The following ZNF462 variants were observed in gnomAD, a reference collection of about 807,000 sequenced individuals.
The protein encoded by ZNF462 is zinc finger protein 462, also known as zinc finger PBX1-interacting protein.
A neutral mutation model predicts 201.9 loss-of-function variants in ZNF462; 10 were observed. That is an observed-to-expected ratio of 0.05 (90% confidence interval 0.03 to 0.08). ZNF462 has a LOEUF of 0.08. ZNF462 is among the 10% of genes least tolerant of loss of function. The pLI is 1.00. For missense variants in ZNF462, 2,523 were observed against 3,168.3 expected (o/e 0.80, Z 4.89); for synonymous variants, 1,227 against 1,193.3 (o/e 1.03, Z -0.58).
At position 106,919,189 on chromosome 9, in the gene ZNF462, TA is replaced by T. The variant is rs1829892954; in HGVS notation, c.-30-4164del. ...GGGATTTTGACTTGAGGACCACATT[TA>T]TGCTCCTGGGCCCTCAAACTAAAGA... On this transcript the variant is annotated intron_variant, in intron 1 of 12. Coordinates refer to ENST00000277225, the MANE Select transcript of ZNF462 (RefSeq NM_021224.6). This position sits in a 1 kb window ranked among gnomAD's most constrained non-coding sequence, Gnocchi z 4.5. Among the ~76,000 whole-genome samples, 1 of 152,238 alleles carries T rather than the reference TA, an allele frequency of 6.6e-6. No homozygotes were observed. Among genetic ancestry groups the T allele is most frequent in the African/African-American group, 2.4e-5 (1 of 41,454 alleles).
chr9:106,882,302 T>A (rs973747804), intron 1 of ZNF462, among the ~76,000 whole-genome samples: 1 of 152,066 alleles, frequency 6.6e-6, no homozygotes, highest in African/African-American at 2.4e-5. Context: ...ATGTATGGAG[T>A]CTGTAAACCA....
chr9:106,904,969 T>A lies in ZNF462; in HGVS notation c.-30-18385T>A, dbSNP rs577514845. Among the ~76,000 whole-genome samples the A allele has an allele frequency of 2.6e-5, 4 of 152,212 alleles. No homozygotes were observed. The East Asian group carries it at 5.8e-4, about 22-fold the overall frequency. On this transcript the variant is annotated intron_variant, in intron 1 of 12. Coordinates refer to ENST00000277225, the MANE Select transcript of ZNF462 (RefSeq NM_021224.6). Reference sequence around the variant, plus strand: ...ATCCATTGCTGGTGAACTAGTGTGATTTTTTTGTGGGGGGGTGTTGAAGAG... The same window carrying A: ...ATCCATTGCTGGTGAACTAGTGTGAATTTTTTGTGGGGGGGTGTTGAAGAG...
At position 106,886,895 on chromosome 9, in the gene ZNF462, A is replaced by C. The variant is rs1194989232; in HGVS notation, c.-31+23540A>C. On this transcript the variant is annotated intron_variant, in intron 1 of 12. Coordinates refer to ENST00000277225, the MANE Select transcript of ZNF462 (RefSeq NM_021224.6). This position sits in a 1 kb window ranked among gnomAD's most constrained non-coding sequence, Gnocchi z 4.6. ...CTTGTTGGAAAAGAGTGTGGAGATC[A>C]AGCAGAGAAGTCTGCAATAGGCGGG... Among the ~76,000 whole-genome samples the C allele has an allele frequency of 2.0e-5, 3 of 152,020 alleles. No individual in the cohort carries two copies. The highest frequency in any genetic ancestry group is 2.9e-5 in the Non-Finnish European group (2 of 68,000).
intron 1 of ZNF462, among the ~76,000 whole-genome samples, chr9:106,898,366 C>G (rs187807331): frequency 6.6e-6 from 1 of 152,190 alleles, no homozygotes; most frequent in Non-Finnish European, 1.5e-5. Context: ...CCAGGAAAGG[C>G]CTTCTAGAGA....
chr9:106,891,884 T>C (rs1206296686), intron 1 of ZNF462, among the ~76,000 whole-genome samples: 1 of 152,016 alleles, frequency 6.6e-6, no homozygotes, highest in African/African-American at 2.4e-5. Context: ...ACAAGGAAAA[T>C]AATAATAATA....
intron 1 of ZNF462, among the ~76,000 whole-genome samples, chr9:106,882,042 C>CT (rs1333366634): frequency 6.6e-6 from 1 of 152,108 alleles, no homozygotes. Context: ...TCTTACAAGC[C>CT]TTTTTTCTAT....
intron 10 of ZNF462, among the ~76,000 whole-genome samples, chr9:106,988,900 T>C (rs1233767681): frequency 6.6e-6 from 1 of 152,170 alleles, no homozygotes; most frequent in African/African-American, 2.4e-5. Context: ...TCTGGAAACT[T>C]TGCTGAATTC....
intron 1 of ZNF462, among the ~76,000 whole-genome samples, chr9:106,889,173 T>C (rs563300939): frequency 3.3e-5 from 5 of 152,196 alleles, no homozygotes; most frequent in Non-Finnish European, 7.3e-5. Flanking sequence ...AATATTGGCC[T>C]AATGGGGCAC....
intron 1 of ZNF462, among the ~76,000 whole-genome samples, chr9:106,864,078 CTCTCTCTCTCTCTCTCTCTCTCTCTCTCT>C (rs1564062521): frequency 1.9e-4 from 26 of 136,714 alleles, no homozygotes; most frequent in Non-Finnish European, 3.7e-4. Flanking sequence ...CTCTCTCTCT[CTCTCTCTCTCTCTCTCTCTCTCTCTCTCT>C]CTCCCTCTCC....
chr9:106,996,001 T>A (rs950373446), intron 10 of ZNF462, among the ~76,000 whole-genome samples: 1 of 152,136 alleles, frequency 6.6e-6, no homozygotes, highest in Non-Finnish European at 1.5e-5. Flanking sequence ...GTGTGTGATG[T>A]TCCCCACCCT....
In ZNF462 at chr9:107,006,939, G is replaced by A. The variant is rs1043898773; in HGVS notation, c.7190-2606G>A. Among the ~76,000 whole-genome samples, 5 of 152,152 alleles carry A rather than the reference G, an allele frequency of 3.3e-5. No individual in the cohort carries two copies. Among genetic ancestry groups the A allele is most frequent in the Admixed American group, 1.3e-4 (2 of 15,272 alleles). ...TCTTACAAGGAAAACGGTTGTGATC[G>A]GAGAAGCATGGCTTCTTTCTTTTTT... is the stretch of plus-strand genomic sequence containing the variant. On this transcript the variant is annotated intron_variant, in intron 11 of 12. Transcript: ENST00000277225. This position sits in a 1 kb window ranked among gnomAD's most constrained non-coding sequence, Gnocchi z 4.3.
chr9:106,935,389 C>A lies in ZNF462; in HGVS notation c.6117-114C>A. 1.3e-6 allele frequency: 1 copy of A among 788,030 alleles called. No individual in the cohort carries two copies. Among genetic ancestry groups the A allele is most frequent in the Non-Finnish European group, 2.1e-6 (1 of 487,156 alleles). 48.8% of individuals were successfully genotyped at this position (788,030 alleles called of 1,614,324 possible). The stretch of plus-strand genomic sequence containing the variant: ...ATAAATGCCATTATTGGAAAGTAAA[C>A]AAAAGGACTTTGAACGACCTAGAAG... On this transcript the variant is annotated intron_variant, in intron 5 of 12. Transcript: ENST00000277225. This position sits in a 1 kb window ranked among gnomAD's most constrained non-coding sequence, Gnocchi z 4.1.
rs397893745 is a variant in ZNF462 at position 107,012,105 on chromosome 9, C to CTTTTTTTTTT, written c.*1090_*1099dup. 6 of 95,086 alleles carry CTTTTTTTTTT rather than the reference C, an allele frequency of 6.3e-5. No individual in the cohort carries two copies. Among genetic ancestry groups the CTTTTTTTTTT allele is most frequent in the African/African-American group, 1.4e-4 (4 of 29,542 alleles). 5.9% of individuals were successfully genotyped at this position (95,086 alleles called of 1,614,324 possible). A position where few individuals can be genotyped will look rare whatever the true frequency, so the allele number is the denominator to read the frequency against. On this transcript the variant is annotated 3_prime_UTR_variant, in exon 13 of 13. Transcript: ENST00000277225. ...TGGAAATAACAAAGAAGTTAACTTTCTTTTTTTTTTTTTTTTTTTTTTTTA... is the reference window on the plus strand; with the variant it reads ...TGGAAATAACAAAGAAGTTAACTTTCTTTTTTTTTTTTTTTTTTTTTTTTTTTTTTTTTTA...
chr9:106,891,417 A>G (rs1291455231), intron 1 of ZNF462, among the ~76,000 whole-genome samples: 2 of 152,154 alleles, frequency 1.3e-5, no homozygotes, highest in Admixed American at 6.5e-5. Flanking sequence ...TGGCGGAGAC[A>G]TACAATAGGC....
intron 7 of ZNF462, among the ~76,000 whole-genome samples, chr9:106,942,203 C>T (rs1213094677): frequency 6.6e-6 from 1 of 152,180 alleles, no homozygotes; most frequent in Non-Finnish European, 1.5e-5. Flanking sequence ...TTGCAGTGGT[C>T]AAATGCTTGC....
chr9:106,969,872 G>A (rs1826499496), intron 7 of ZNF462, among the ~76,000 whole-genome samples: 1 of 152,194 alleles, frequency 6.6e-6, no homozygotes, highest in African/African-American at 2.4e-5. Context: ...ACATTACCAA[G>A]AGGACAGAAG....
chr9:106,908,104 A>G (rs144437954), intron 1 of ZNF462, among the ~76,000 whole-genome samples: 1 of 152,174 alleles, frequency 6.6e-6, no homozygotes, highest in East Asian at 1.9e-4. Flanking sequence ...TAATTGTGGC[A>G]TTAAAGACTT....
chr9:106,923,327 G>T lies in ZNF462; in HGVS notation c.-30-27G>T. 1 of 1,556,706 alleles carries T rather than the reference G, an allele frequency of 6.4e-7. No individual in the cohort carries two copies. Among genetic ancestry groups the T allele is most frequent in the East Asian group, 2.2e-5 (1 of 44,508 alleles). On this transcript the variant is annotated intron_variant, in intron 1 of 12. Transcript: ENST00000277225. The surrounding 1 kb of genome is among the most constrained non-coding windows in gnomAD (Gnocchi z 5.6). ...GGTATGTGATTAGTGCATTCCTTAA[G>T]ATGTTTTGTTCTGACTTCTGCCACA...
chr9:106,932,774 G>T lies in ZNF462; in HGVS notation c.6116+225G>T. 1 of 609,582 alleles carries T rather than the reference G, an allele frequency of 1.6e-6. No homozygotes were observed. Among genetic ancestry groups the T allele is most frequent in the South Asian group, 2.0e-5 (1 of 50,078 alleles). The allele number at this position is 609,582 out of a possible 1,614,324, so 37.8% of individuals were successfully genotyped here. On this transcript the variant is annotated intron_variant, in intron 5 of 12. Transcript: ENST00000277225. The surrounding 1 kb of genome is among the most constrained non-coding windows in gnomAD (Gnocchi z 6.8). ...GCAAATGCAGGCATTTTAAAAATGA[G>T]AATTGGAGGAATTGCTATGATTTAC... is the stretch of plus-strand genomic sequence containing the variant.
Sources: gnomAD v4.1 joint callset for allele counts (sites outside exome capture counted in the v4.1 genomes callset) on GRCh38, gnomAD v4.1.1 for gene constraint, Gnocchi (gnomAD v3.1) non-coding constraint, MANE v1.5 for transcripts, NCBI Gene and HGNC (gene_info 2026-07-23, HGNC 2026-07-21) for gene names.